HERC3: variants seen among roughly 807,000 people sequenced by gnomAD.
The protein encoded by HERC3 is probable E3 ubiquitin-protein ligase HERC3.
In HERC3, 58 loss-of-function variants were observed where a neutral mutation model predicts 129.9. The ratio of observed to expected loss-of-function variants is 0.45; its 90% CI spans 0.36 to 0.56. HERC3 has a LOEUF of 0.56. Among genes scored for constraint, HERC3 ranks in the 20% least tolerant of loss-of-function variants. The pLI is 0.00. For missense variants in HERC3, 835 were observed against 1,244.2 expected (o/e 0.67, Z 4.95); for synonymous variants, 430 against 451.0 (o/e 0.95, Z 0.59).
chr4:88,525,617 T>C, the HERC3 span, among the ~76,000 whole-genome samples: 1 of 152,286 alleles, frequency 6.6e-6, no homozygotes, highest in South Asian at 2.1e-4. Flanking sequence ...GTTTACTTTA[T>C]TTAGGGGAAG....
chr4:88,664,142 T>G lies in HERC3; in HGVS notation c.1272-11T>G. ...TTAAAGGCTTCCCCCTCCCTTCTTTTCTTTGAGCAGTGGTGTTGTTCAGAT... is the reference window on the plus strand; with the variant it reads ...TTAAAGGCTTCCCCCTCCCTTCTTTGCTTTGAGCAGTGGTGTTGTTCAGAT... On this transcript the variant is annotated splice_polypyrimidine_tract_variant and intron_variant, in intron 11 of 25. Coordinates refer to ENST00000402738, the MANE Select transcript of HERC3 (RefSeq NM_014606.3). 6.2e-7 allele frequency: 1 copy of G among 1,608,520 alleles called. No individual in the cohort carries two copies. The highest frequency in any genetic ancestry group is 8.5e-7 in the Non-Finnish European group (1 of 1,177,458).
intron 1 of HERC3, among the ~76,000 whole-genome samples, chr4:88,594,051 A>G (rs1226320948): frequency 6.6e-6 from 1 of 152,146 alleles, no homozygotes; most frequent in African/African-American, 2.4e-5. Context: ...GACAGGTTAG[A>G]AACCTCTTTG....
chr4:88,699,026 TTCACCCTCTTCTTCCTCACGCTCC>T (rs1490405433), intron 23 of HERC3, among the ~76,000 whole-genome samples: 3 of 86,878 alleles, frequency 3.5e-5, no homozygotes, highest in Non-Finnish European at 6.3e-5. Flanking sequence ...CCTCACCCTC[TTCACCCTCTTCTTCCTCACGCTCC>T]TCACCCTCTT....
chr4:88,587,165 G>T, the HERC3 span, among the ~76,000 whole-genome samples: 2 of 152,122 alleles, frequency 1.3e-5, no homozygotes, highest in East Asian at 1.9e-4. Context: ...TTTATAAAAA[G>T]GTGGCCGTAA....
intron 3 of HERC3, among the ~76,000 whole-genome samples, chr4:88,637,998 A>G (rs1022229210): frequency 6.6e-6 from 1 of 152,242 alleles, no homozygotes; most frequent in Non-Finnish European, 1.5e-5. Context: ...GAAGAAATGG[A>G]CAAATACCTG....
intron 11 of HERC3, among the ~76,000 whole-genome samples, chr4:88,663,089 T>C (rs766721088): frequency 1.3e-5 from 2 of 152,192 alleles, no homozygotes; most frequent in Non-Finnish European, 2.9e-5. Flanking sequence ...CACATTTTCA[T>C]TGGCTTTCCT....
chr4:88,698,904 C>T (rs1190151819), intron 23 of HERC3, among the ~76,000 whole-genome samples: 2 of 144,024 alleles, frequency 1.4e-5, no homozygotes, highest in African/African-American at 2.7e-5. Flanking sequence ...CCCTCCTTAC[C>T]CTCTTCTTCC....
intron 23 of HERC3, chr4:88,697,935 G>T (rs1734837790): frequency 3.9e-6 from 3 of 773,798 alleles, no homozygotes; most frequent in East Asian, 2.7e-5. Context: ...ATCAGCTGAC[G>T]GCCGTGTGCT....
At chr4:88,525,311 T>C in the HERC3 span, among the ~76,000 whole-genome samples, 1 of 152,222 alleles carries the variant, frequency 6.6e-6, no homozygotes, top group Non-Finnish European at 1.5e-5. Flanking sequence ...ACCTTCACAC[T>C]ATTTCCGACT....
intron 3 of HERC3, among the ~76,000 whole-genome samples, chr4:88,621,345 G>A (rs1299544594): frequency 2.0e-5 from 3 of 152,166 alleles, no homozygotes; most frequent in African/African-American, 7.2e-5. Context: ...GACCTCAGGT[G>A]ATCAACCCAC....
chr4:88,697,316 C>T lies in HERC3; in HGVS notation c.2658-6782C>T, dbSNP rs138384150. 3.0e-5 allele frequency: 48 copies of T among 1,612,094 alleles called. No individual in the cohort carries two copies. The highest frequency in any genetic ancestry group is 3.9e-5 in the Non-Finnish European group (46 of 1,178,886). ...TCCTCGTCTTCCCCCTCCTCCTCGTCATCCTCGTACTCCTCTTCCTCCTCC... is the reference window on the plus strand; with the variant it reads ...TCCTCGTCTTCCCCCTCCTCCTCGTTATCCTCGTACTCCTCTTCCTCCTCC... On this transcript the variant is annotated intron_variant, in intron 23 of 25. Transcript: ENST00000402738.
At chr4:88,569,453 T>C in the HERC3 span, among the ~76,000 whole-genome samples, 1 of 152,242 alleles carries the variant, frequency 6.6e-6, no homozygotes, top group Non-Finnish European at 1.5e-5. Context: ...GATTTTTGGT[T>C]CTTATGAAGG....
chr4:88,636,358 C>A (rs1022658728), intron 3 of HERC3, among the ~76,000 whole-genome samples: 5 of 151,984 alleles, frequency 3.3e-5, no homozygotes, highest in African/African-American at 1.2e-4. Context: ...TAGTCTCTGA[C>A]AGAACAGACT....
intron 5 of HERC3, among the ~76,000 whole-genome samples, 156 bp from the exon 6 acceptor site, chr4:88,652,712 GT>G (rs1206609049): frequency 1.1e-4 from 16 of 152,212 alleles, no homozygotes; most frequent in African/African-American, 3.9e-4. Flanking sequence ...GGGAGTTTTG[GT>G]TTTGGCAGTC....
chr4:88,669,779 C>A, intron 14 of HERC3, 81 bp from the exon 15 acceptor site: 1 of 1,226,472 alleles, frequency 8.2e-7, no homozygotes. Flanking sequence ...CTAGACAAAG[C>A]AATTTTTAAC....
At position 88,668,040 on chromosome 4, in the gene HERC3, T is replaced by A; in HGVS notation, c.1592T>A (p.Met531Lys). ...ATAACATTGACTATTCCCTTGGCTA[T>A]GGCCATTCTTCGGCTGGATACAAAC... ...YYITLTIPLA[M>K]AILRLDTNPS... is the part of the protein sequence containing the mutation. The change falls in exon 14 of 26, where the codon ATG becomes AAG. Residue 531 changes from methionine to lysine, a missense_variant. By Grantham distance (95) the Met-to-Lys change is moderately conservative (BLOSUM62 -1). Coordinates refer to ENST00000402738, the MANE Select transcript of HERC3 (RefSeq NM_014606.3). 1 of 1,613,720 alleles carries A rather than the reference T, an allele frequency of 6.2e-7. No individual in the cohort carries two copies. The highest frequency in any genetic ancestry group is 8.5e-7 in the Non-Finnish European group (1 of 1,179,716).
chr4:88,672,556 T>C (rs1217298722), intron 16 of HERC3, among the ~76,000 whole-genome samples: 1 of 152,240 alleles, frequency 6.6e-6, no homozygotes, highest in African/African-American at 2.4e-5. Context: ...AAATAATAGA[T>C]GGATTTTTTT....
At chr4:88,659,917 G>T (rs1730309133) in intron 10 of HERC3, among the ~76,000 whole-genome samples, 1 of 152,128 alleles carries the variant, frequency 6.6e-6, no homozygotes, top group Admixed American at 6.5e-5. Context: ...ACACTGATGA[G>T]AAGGAAGTGA....
chr4:88,576,983 C>G, the HERC3 span, among the ~76,000 whole-genome samples: 1 of 152,054 alleles, frequency 6.6e-6, no homozygotes, highest in Non-Finnish European at 1.5e-5. Flanking sequence ...AGGAATTTAT[C>G]TTTTTTCCCT....
Sources: allele counts gnomAD v4.1 joint callset (sites outside exome capture counted in the v4.1 genomes callset), GRCh38; gene constraint gnomAD v4.1.1; transcripts MANE v1.5; gene names NCBI Gene and HGNC (gene_info 2026-07-23, HGNC 2026-07-21).